Variants in ELMO1 observed in about 807,000 individuals in gnomAD.
The protein encoded by ELMO1 is engulfment and cell motility 1, also known as engulfment and cell motility protein 1.
A neutral mutation model predicts 98.9 loss-of-function variants in ELMO1; 26 were observed. That is an observed-to-expected ratio of 0.26 (90% CI 0.19 to 0.36). The LOEUF is 0.36. ELMO1 is among the 10% of genes least tolerant of loss of function. The pLI is 1.00. For synonymous variants in ELMO1, 346 were observed against 346.0 expected, an observed-to-expected ratio of 1.00 and a Z score of 0.00; for missense variants, 627 against 935.2, an observed-to-expected ratio of 0.67 and a Z score of 4.30.
At chr7:37,230,292 C>G (rs11765067) in intron 8 of ELMO1, among the ~76,000 whole-genome samples, 4,723 of 152,204 alleles carry the variant, frequency 0.031, 97 homozygotes, top group Middle Eastern at 0.082. Flanking sequence ...AGTGCTGGAA[C>G]AGGGGCATTC....
At chr7:37,312,920 C>T (rs1229601361) in intron 4 of ELMO1, among the ~76,000 whole-genome samples, 1 of 152,176 alleles carries the variant, frequency 6.6e-6, no homozygotes, top group Non-Finnish European at 1.5e-5. Context: ...TACTATGTTC[C>T]AGTGTTTAAT....
chr7:37,378,028 C>A (rs879487980), intron 1 of ELMO1, among the ~76,000 whole-genome samples: 1 of 152,224 alleles, frequency 6.6e-6, no homozygotes, highest in Non-Finnish European at 1.5e-5. Context: ...TCAGACCATG[C>A]AACCCTAAGA....
chr7:36,903,462 T>C (rs1280145919), intron 16 of ELMO1, among the ~76,000 whole-genome samples: 1 of 152,200 alleles, frequency 6.6e-6, no homozygotes, highest in Non-Finnish European at 1.5e-5. Flanking sequence ...AGAAATTATC[T>C]GTTTAATTTA....
At chr7:37,002,350 T>TGA (rs551572731) in intron 16 of ELMO1, among the ~76,000 whole-genome samples, 55 of 152,290 alleles carry the variant, frequency 3.6e-4, no homozygotes, top group Middle Eastern at 3.4e-3. Flanking sequence ...TCACCCATCA[T>TGA]GAGGTCATGG....
chr7:37,000,513 C>T (rs1487886093), intron 16 of ELMO1, among the ~76,000 whole-genome samples: 1 of 152,192 alleles, frequency 6.6e-6, no homozygotes, highest in Non-Finnish European at 1.5e-5. Flanking sequence ...ACTCTTATGA[C>T]ATTCTAAGGG....
intron 10 of ELMO1, among the ~76,000 whole-genome samples, chr7:37,222,372 G>A (rs1793644280): frequency 6.6e-6 from 1 of 152,156 alleles, no homozygotes; most frequent in Non-Finnish European, 1.5e-5. Context: ...AGGCTCTACT[G>A]CTGGAACACT....
At chr7:37,101,983 T>C (rs919804520) in intron 14 of ELMO1, among the ~76,000 whole-genome samples, 8 of 152,144 alleles carry the variant, frequency 5.3e-5, no homozygotes, top group African/African-American at 1.7e-4. Context: ...TCCTGACCCA[T>C]TGGAGATCTT....
At chr7:36,868,933 G>C (rs879696125) in intron 20 of ELMO1, among the ~76,000 whole-genome samples, 1 of 152,136 alleles carries the variant, frequency 6.6e-6, no homozygotes, top group Non-Finnish European at 1.5e-5. Context: ...AGCAGAGCCC[G>C]TGCTCTCCGA....
chr7:37,028,070 T>C (rs1794679785), intron 15 of ELMO1, among the ~76,000 whole-genome samples: 1 of 152,018 alleles, frequency 6.6e-6, no homozygotes, highest in Non-Finnish European at 1.5e-5. Flanking sequence ...TCTCATTTAA[T>C]CTTCATAACA....
chr7:37,054,776 C>T (rs1168681397), intron 15 of ELMO1, among the ~76,000 whole-genome samples: 1 of 152,130 alleles, frequency 6.6e-6, no homozygotes, highest in Non-Finnish European at 1.5e-5. Context: ...GCATGCATGC[C>T]TACAGTAATT....
intron 6 of ELMO1, 90 bp from the exon 7 acceptor site, chr7:37,244,481 A>C: frequency 7.2e-7 from 1 of 1,387,908 alleles, no homozygotes; most frequent in Non-Finnish European, 1.0e-6. Context: ...ACTCAGGATT[A>C]GATTTAGGAC....
At chr7:37,317,245 G>A (rs933338010) in intron 2 of ELMO1, among the ~76,000 whole-genome samples, 2 of 152,128 alleles carry the variant, frequency 1.3e-5, no homozygotes, top group Non-Finnish European at 2.9e-5. Flanking sequence ...CCCTGCTAAA[G>A]GCCCAGTTCA....
intron 13 of ELMO1, among the ~76,000 whole-genome samples, chr7:37,172,674 G>A (rs1981739): frequency 0.64 from 96,716 of 152,064 alleles, 33,255 homozygotes; most frequent in Non-Finnish European, 0.76. Flanking sequence ...TGTCTTAGGC[G>A]AGTACATTGC....
rs928092078 is a variant in ELMO1 at position 37,248,779 on chromosome 7, T to C, written c.414-4388A>G. On this transcript the variant is annotated intron_variant, in intron 6 of 21. Coordinates refer to ENST00000310758, the MANE Select transcript of ELMO1 (RefSeq NM_014800.11). Reference sequence around the variant, plus strand: ...CAAGGCAGCAAGTAGATGAATCGCTTTGGCCTGCACTGGACCTCCCAGAAC... The same window carrying C: ...CAAGGCAGCAAGTAGATGAATCGCTCTGGCCTGCACTGGACCTCCCAGAAC... Among the ~76,000 whole-genome samples, 10 of 152,250 alleles carry C rather than the reference T, an allele frequency of 6.6e-5. No individual in the cohort carries two copies. The East Asian group carries it at 1.7e-3, about 26-fold the overall frequency.
chr7:36,921,418 T>G (rs1481544112), intron 16 of ELMO1, among the ~76,000 whole-genome samples: 1 of 152,230 alleles, frequency 6.6e-6, no homozygotes, highest in African/African-American at 2.4e-5. Flanking sequence ...AAACAGTATC[T>G]AAAGTCTTGT....
rs1466418888 is a variant in ELMO1 at position 37,271,671 on chromosome 7, G to A, written c.243+161C>T. The A allele has an allele frequency of 7.2e-6, 5 of 695,380 alleles. 1 individual carries two copies. Among genetic ancestry groups the A allele is most frequent in the South Asian group, 4.0e-5 (2 of 49,572 alleles). 43.1% of individuals were successfully genotyped at this position (695,380 alleles called of 1,614,324 possible). On this transcript the variant is annotated intron_variant, in intron 5 of 21. Transcript: ENST00000310758. Reference sequence around the variant, plus strand: ...TCCTCCTCTGCAGTGGGAAATCTACGGAGGGGCATTCCTGCTAATCCAGAA... The same window carrying A: ...TCCTCCTCTGCAGTGGGAAATCTACAGAGGGGCATTCCTGCTAATCCAGAA...
intron 2 of ELMO1, among the ~76,000 whole-genome samples, chr7:37,324,405 G>GAAA (rs10632648): frequency 1.8e-4 from 28 of 151,840 alleles, no homozygotes; most frequent in East Asian, 3.9e-4. Flanking sequence ...GCATCACCCA[G>GAAA]AAAAAAAAGG....
chr7:36,912,517 AC>A (rs1784410985), intron 16 of ELMO1, among the ~76,000 whole-genome samples: 2 of 152,344 alleles, frequency 1.3e-5, no homozygotes, highest in South Asian at 4.1e-4. Flanking sequence ...TTTTGAAATT[AC>A]TAAAATATCC....
chr7:37,069,487 G>C (rs1797158022), intron 15 of ELMO1, among the ~76,000 whole-genome samples: 1 of 152,160 alleles, frequency 6.6e-6, no homozygotes, highest in African/African-American at 2.4e-5. Context: ...AAAAGTTCTA[G>C]CAGCTGCAAA....
Sources: allele counts gnomAD v4.1 joint callset (sites outside exome capture counted in the v4.1 genomes callset), GRCh38; gene constraint gnomAD v4.1.1; transcripts MANE v1.5; gene names NCBI Gene and HGNC (gene_info 2026-07-23, HGNC 2026-07-21).